Variants in TARP observed in about 807,000 individuals in gnomAD.
the TARP span, among the ~76,000 whole-genome samples, chr7:38,271,119 G>C: frequency 1.3e-5 from 2 of 151,082 alleles, no homozygotes; most frequent in Admixed American, 1.3e-4. Context: ...TGGTCTGACT[G>C]TGCTTGTATA....
At chr7:38,263,232 C>G in the TARP span, among the ~76,000 whole-genome samples, 6 of 151,826 alleles carry the variant, frequency 4.0e-5, no homozygotes, top group African/African-American at 1.4e-4. Context: ...GTTTAATTCC[C>G]CAATAACACT....
chr7:38,269,826 G>A, the TARP span, among the ~76,000 whole-genome samples: 2 of 152,086 alleles, frequency 1.3e-5, no homozygotes, highest in South Asian at 2.1e-4. Flanking sequence ...AGGTCCCAGT[G>A]CAGTGGTTTG....
the TARP span, among the ~76,000 whole-genome samples, chr7:38,268,043 G>A: frequency 6.6e-6 from 1 of 151,070 alleles, no homozygotes; most frequent in African/African-American, 2.4e-5. Flanking sequence ...TCATTAAATA[G>A]CATACTTGAT....
At chr7:38,265,605 C>A in the TARP span, 1 of 1,611,780 alleles carries the variant, frequency 6.2e-7, no homozygotes, top group Non-Finnish European at 8.5e-7. Context: ...TTCCAGCCTT[C>A]TGGAGCTTTG....
At chr7:38,264,271 T>C in the TARP span, among the ~76,000 whole-genome samples, 1 of 151,974 alleles carries the variant, frequency 6.6e-6, no homozygotes, top group African/African-American at 2.4e-5. Flanking sequence ...CTCCTTAACG[T>C]AGCTGCCTTG....
At chr7:38,272,264 A>G in the TARP span, among the ~76,000 whole-genome samples, 1 of 150,610 alleles carries the variant, frequency 6.6e-6, no homozygotes. Context: ...AGAGGAAATA[A>G]TATTTCTATC....
At chr7:38,272,225 C>T in the TARP span, among the ~76,000 whole-genome samples, 1 of 150,506 alleles carries the variant, frequency 6.6e-6, no homozygotes, top group African/African-American at 2.4e-5. Context: ...GTATAAAGAC[C>T]TTTCGTGGGT....
the TARP span, chr7:38,262,136 A>G: frequency 5.9e-5 from 94 of 1,585,204 alleles, no homozygotes; most frequent in African/African-American, 9.0e-4. Context: ...TCAAAACAAA[A>G]TGATCAGGAG....
At chr7:38,271,497 G>A in the TARP span, among the ~76,000 whole-genome samples, 17,454 of 150,412 alleles carry the variant, frequency 0.12, 1,334 homozygotes, top group African/African-American at 0.22. Flanking sequence ...AGGAGATATC[G>A]ACATGAAATG....
the TARP span, among the ~76,000 whole-genome samples, chr7:38,262,647 T>C: frequency 2.2e-4 from 33 of 151,418 alleles, no homozygotes; most frequent in South Asian, 6.5e-3. Flanking sequence ...TTGTTTTGTT[T>C]GTTTGTTTGT....
At chr7:38,265,604 T>G in the TARP span, 1 of 1,611,818 alleles carries the variant, frequency 6.2e-7, no homozygotes. Flanking sequence ...GTTCCAGCCT[T>G]CTGGAGCTTT....
At chr7:38,271,980 T>C in the TARP span, among the ~76,000 whole-genome samples, 1 of 151,056 alleles carries the variant, frequency 6.6e-6, no homozygotes, top group Non-Finnish European at 1.5e-5. Flanking sequence ...CATATTCGAG[T>C]TGGGGGAGGG....
chr7:38,261,036 T>C, the TARP span, among the ~76,000 whole-genome samples: 24 of 152,024 alleles, frequency 1.6e-4, no homozygotes, highest in South Asian at 1.9e-3. Context: ...CATTCATGCC[T>C]TTATCTCTTC....
chr7:38,259,964 A>G, the TARP span: 1 of 821,318 alleles, frequency 1.2e-6, no homozygotes, highest in African/African-American at 1.8e-5. Context: ...ATAATGATAG[A>G]ATAGTACACA....
the TARP span, among the ~76,000 whole-genome samples, chr7:38,271,717 C>T: frequency 2.0e-5 from 3 of 151,192 alleles, no homozygotes; most frequent in African/African-American, 7.3e-5. Context: ...TATTCAGAGA[C>T]ACCATCATAA....
the TARP span, among the ~76,000 whole-genome samples, chr7:38,272,982 C>T: frequency 0.078 from 11,715 of 150,592 alleles, 1,553 homozygotes; most frequent in African/African-American, 0.27. Flanking sequence ...TCTCTGAAAA[C>T]TTTCATTTCA....
chr7:38,260,878 C>A, the TARP span, among the ~76,000 whole-genome samples: 1 of 151,680 alleles, frequency 6.6e-6, no homozygotes, highest in Non-Finnish European at 1.5e-5. Flanking sequence ...TAAGTCAGAG[C>A]CCCTTGGTAT....
At chr7:38,272,646 G>A in the TARP span, among the ~76,000 whole-genome samples, 1 of 148,078 alleles carries the variant, frequency 6.8e-6, no homozygotes, top group Non-Finnish European at 1.5e-5. Context: ...TTTCTATAAT[G>A]AACCAGCATT....
chr7:38,271,628 A>G, the TARP span, among the ~76,000 whole-genome samples: 16,928 of 151,202 alleles, frequency 0.11, 1,091 homozygotes, highest in South Asian at 0.18. Flanking sequence ...TACTTCATAC[A>G]ACTGTAGAAT....
Sources: allele counts gnomAD v4.1 joint callset (sites outside exome capture counted in the v4.1 genomes callset), GRCh38; gene constraint gnomAD v4.1.1; transcripts MANE v1.5.